The following METAP1 variants were observed in gnomAD, a reference collection of about 807,000 sequenced individuals.
METAP1 encodes methionine aminopeptidase 1.
Under a neutral mutation model 53.8 loss-of-function variants are expected in METAP1, and 28 were observed. That is an observed-to-expected ratio of 0.52 (90% CI 0.39 to 0.71). The LOEUF (loss-of-function observed/expected upper bound fraction) is 0.71. Among genes scored for constraint, METAP1 ranks in the 30% least tolerant of loss-of-function variants. The pLI is 0.00. For synonymous variants in METAP1, 181 were observed against 165.7 expected, an observed-to-expected ratio of 1.09 and a Z score of -0.71; for missense variants, 389 against 479.8, an observed-to-expected ratio of 0.81 and a Z score of 1.77.
At chr4:99,039,550 T>C (rs1437152310) in intron 5 of METAP1, 85 bp downstream of exon 5, 77 of 791,432 alleles carry the variant, frequency 9.7e-5, no homozygotes, top group Non-Finnish European at 1.0e-5. Flanking sequence ...TTTATAAAGA[T>C]AGCAAATGTT....
At chr4:99,008,590 A>G (rs1020394182) in intron 1 of METAP1, among the ~76,000 whole-genome samples, 6 of 152,190 alleles carry the variant, frequency 3.9e-5, no homozygotes, top group African/African-American at 1.2e-4. Context: ...ATGCTGTCTT[A>G]AGAGGGCCTG....
At chr4:99,021,328 G>T (rs1253805401) in intron 1 of METAP1, among the ~76,000 whole-genome samples, 1 of 152,074 alleles carries the variant, frequency 6.6e-6, no homozygotes, top group African/African-American at 2.4e-5. Flanking sequence ...GAGGTCTCCT[G>T]GTCCCGCGGT....
At chr4:99,058,963 C>T (rs1371514530) in intron 10 of METAP1, among the ~76,000 whole-genome samples, 8 of 152,186 alleles carry the variant, frequency 5.3e-5, no homozygotes, top group African/African-American at 1.9e-4. Context: ...TTGTCATCCT[C>T]TTATAATAAG....
chr4:99,002,279 CT>C (rs202215933), intron 1 of METAP1, among the ~76,000 whole-genome samples: 3,340 of 152,266 alleles, frequency 0.022, 46 homozygotes, highest in Non-Finnish European at 0.035. Flanking sequence ...ATAGCAAACA[CT>C]TTTAGATAGA....
chr4:99,013,841 A>G (rs1373401378), intron 1 of METAP1, among the ~76,000 whole-genome samples: 1 of 152,210 alleles, frequency 6.6e-6, no homozygotes, highest in Non-Finnish European at 1.5e-5. Flanking sequence ...CTTGGAATAC[A>G]CACATCCTAA....
intron 9 of METAP1, 89 bp downstream of exon 9, chr4:99,048,965 T>C: frequency 7.1e-7 from 1 of 1,406,960 alleles, no homozygotes; most frequent in South Asian, 1.3e-5. Context: ...TATTTTGTAT[T>C]CACTAGAGTA....
At chr4:99,025,476 T>A (rs541208587) in intron 1 of METAP1, 4 of 980,352 alleles carry the variant, frequency 4.1e-6, no homozygotes, top group East Asian at 2.3e-4. Flanking sequence ...CATAGCAAAT[T>A]CCCAGAGATT....
chr4:99,014,098 G>T (rs564538719), intron 1 of METAP1, among the ~76,000 whole-genome samples: 7 of 152,294 alleles, frequency 4.6e-5, no homozygotes, highest in African/African-American at 1.7e-4. Context: ...TACAGGGTAT[G>T]ACACAACATC....
intron 1 of METAP1, among the ~76,000 whole-genome samples, chr4:99,018,834 C>T (rs1171937060): frequency 6.6e-6 from 1 of 152,158 alleles, no homozygotes; most frequent in African/African-American, 2.4e-5. Context: ...ACCCGGCCTT[C>T]CAGGGAGATC....
chr4:99,032,752 G>A (rs2110341649), intron 2 of METAP1, among the ~76,000 whole-genome samples: 1 of 152,284 alleles, frequency 6.6e-6, no homozygotes, highest in East Asian at 1.9e-4. Flanking sequence ...CATAGCTGAA[G>A]CAGGCTCAGT....
rs1198991544 is a variant in METAP1, at chr4:99,061,574, TTTAC to T, written c.*261_*264del. 4 of 316,138 alleles carry T rather than the reference TTTAC, an allele frequency of 1.3e-5. No homozygotes were observed. Among genetic ancestry groups the T allele is most frequent in the Non-Finnish European group, 2.3e-5 (4 of 174,994 alleles). The allele number at this position is 316,138 out of a possible 1,614,324, so 19.6% of individuals were successfully genotyped here. A position where few individuals can be genotyped will look rare whatever the true frequency, so the allele number is the denominator to read the frequency against. On this transcript the variant is annotated 3_prime_UTR_variant, in exon 11 of 11. Coordinates refer to ENST00000296411, the MANE Select transcript of METAP1 (RefSeq NM_015143.3). ...TTTTCTCATTTGCCCTTTGAGCACT[TTTAC>T]TTAAACTTGCTTGTAGTTGCTTTTA...
rs2110348857 is a variant in METAP1, at chr4:99,035,469, T to G, written c.340+9T>G. The G allele has an allele frequency of 6.5e-7, 1 of 1,534,494 alleles. No homozygotes were observed. Among genetic ancestry groups the G allele is most frequent in the South Asian group, 1.2e-5 (1 of 83,472 alleles). ...TGCTGATCATCCCTTAGGTAAGCTC[T>G]GCTATGTTGATTCTTCATTTTTCAA... On this transcript the variant is annotated intron_variant, in intron 4 of 10. Coordinates refer to ENST00000296411, the MANE Select transcript of METAP1 (RefSeq NM_015143.3).
At chr4:99,038,902 G>A (rs918309578) in intron 4 of METAP1, among the ~76,000 whole-genome samples, 2 of 152,078 alleles carry the variant, frequency 1.3e-5, no homozygotes, top group Non-Finnish European at 2.9e-5. Flanking sequence ...TTTAAAAAAT[G>A]TTAAGTGTAG....
intron 1 of METAP1, among the ~76,000 whole-genome samples, chr4:98,999,772 A>G (rs1418281021): frequency 1.3e-5 from 2 of 151,712 alleles, no homozygotes; most frequent in Admixed American, 6.6e-5. Flanking sequence ...CAGCCTCCCA[A>G]AGTGCTAGGA....
intron 2 of METAP1, among the ~76,000 whole-genome samples, chr4:99,033,209 C>T (rs1725172774): frequency 6.6e-6 from 1 of 150,966 alleles, no homozygotes; most frequent in African/African-American, 2.4e-5. Context: ...ATCTAGTTTC[C>T]TTCATTTTGT....
At chr4:99,013,468 T>C (rs866703202) in intron 1 of METAP1, among the ~76,000 whole-genome samples, 1 of 152,188 alleles carries the variant, frequency 6.6e-6, no homozygotes, top group African/African-American at 2.4e-5. Context: ...AAATCAACAC[T>C]GAGACAAAGG....
chr4:98,997,549 G>T, intron 1 of METAP1: 1 of 154,692 alleles, frequency 6.5e-6, no homozygotes, highest in Non-Finnish European at 1.5e-5. Context: ...TGTACCATCT[G>T]AGTAGAATAA....
At chr4:99,056,963 T>C (rs576081895) in intron 9 of METAP1, among the ~76,000 whole-genome samples, 1 of 152,308 alleles carries the variant, frequency 6.6e-6, no homozygotes, top group South Asian at 2.1e-4. Flanking sequence ...GTCTTCTGGG[T>C]TCCAGTGATT....
At chr4:99,041,152 A>G (rs751910925) in intron 6 of METAP1, 26 bp downstream of exon 6, 64 of 1,480,538 alleles carry the variant, frequency 4.3e-5, no homozygotes, top group Middle Eastern at 1.8e-4. Flanking sequence ...TTTTACTTTG[A>G]GTAATTTTGT....
Sources: allele counts gnomAD v4.1 joint callset (sites outside exome capture counted in the v4.1 genomes callset), GRCh38; gene constraint gnomAD v4.1.1; transcripts MANE v1.5; gene names NCBI Gene and HGNC (gene_info 2026-07-23, HGNC 2026-07-21).